The following CTNNA2 variants were observed in gnomAD, a reference collection of about 807,000 sequenced individuals.
CTNNA2 encodes the protein catenin alpha 2.
CTNNA2 carries 42 observed loss-of-function variants against 101.0 expected under a neutral mutation model. That is an observed-to-expected ratio of 0.42 (90% CI 0.32 to 0.54). CTNNA2 has a LOEUF of 0.54. CTNNA2 is among the 20% of genes least tolerant of loss of function. CTNNA2 has a pLI of 0.14. For synonymous variants in CTNNA2, 450 were observed against 456.4 expected, an observed-to-expected ratio of 0.99 and a Z score of 0.18; for missense variants, 871 against 1,223.1, an observed-to-expected ratio of 0.71 and a Z score of 4.29.
intron 4 of CTNNA2, among the ~76,000 whole-genome samples, chr2:79,489,134 A>G (rs1026529416): frequency 4.6e-5 from 7 of 152,110 alleles, no homozygotes; most frequent in African/African-American, 1.7e-4. Flanking sequence ...TCTCTTAAAC[A>G]TAATCATGTT....
intron 9 of CTNNA2, among the ~76,000 whole-genome samples, chr2:80,431,931 C>T (rs886155375): frequency 6.6e-6 from 1 of 151,950 alleles, no homozygotes; most frequent in Non-Finnish European, 1.5e-5. Context: ...TCTGTAGGCA[C>T]ATTAGTGCCT....
intron 4 of CTNNA2, among the ~76,000 whole-genome samples, chr2:79,485,436 A>G (rs1403937273): frequency 2.0e-5 from 3 of 152,238 alleles, no homozygotes; most frequent in Non-Finnish European, 4.4e-5. Context: ...TATGCACACT[A>G]GAAATTTATT....
At chr2:80,367,007 A>ATT (rs3040569) in intron 7 of CTNNA2, among the ~76,000 whole-genome samples, 31,103 of 142,338 alleles carry the variant, frequency 0.22, 3,420 homozygotes, top group East Asian at 0.38. Flanking sequence ...AAATGGTTGC[A>ATT]TTTTTTTTTT....
In CTNNA2 at chr2:80,613,039, AT is replaced by A. The variant is rs1214777811; in HGVS notation, c.2430+4722del. Reference sequence around the variant, plus strand: ...AACAAACTTCAGATTGTAAATCTGGATGTTAGGCATAGTGGAGAAATTGTGA... The same window carrying A: ...AACAAACTTCAGATTGTAAATCTGGAGTTAGGCATAGTGGAGAAATTGTGA... On this transcript the variant is annotated intron_variant, in intron 17 of 18. Coordinates refer to ENST00000402739, the MANE Select transcript of CTNNA2 (RefSeq NM_001282597.3). 5.4e-5 allele frequency: 8 copies of A among 148,458 alleles called. No homozygotes were observed. The East Asian group carries it at 1.6e-3, about 30-fold the overall frequency. 9.2% of individuals were successfully genotyped at this position (148,458 alleles called of 1,614,324 possible). A position where few individuals can be genotyped will look rare whatever the true frequency, so the allele number is the denominator to read the frequency against.
At chr2:79,591,507 T>G (rs2103985442) in intron 1 of CTNNA2, among the ~76,000 whole-genome samples, 1 of 152,348 alleles carries the variant, frequency 6.6e-6, no homozygotes, top group South Asian at 2.1e-4. Context: ...GATTCATGTT[T>G]AATTCTTTAA....
chr2:80,603,029 T>C (rs1241281092), intron 15 of CTNNA2, among the ~76,000 whole-genome samples: 1 of 152,088 alleles, frequency 6.6e-6, no homozygotes, highest in East Asian at 1.9e-4. Flanking sequence ...TTGCCCTCTC[T>C]GTATAACCCT....
chr2:80,001,366 T>A (rs1306074640), intron 7 of CTNNA2, among the ~76,000 whole-genome samples: 1 of 152,214 alleles, frequency 6.6e-6, no homozygotes, highest in Non-Finnish European at 1.5e-5. Context: ...TTCTATTATT[T>A]TCTTTTGAAG....
At chr2:80,338,445 A>G (rs1249210919) in intron 7 of CTNNA2, among the ~76,000 whole-genome samples, 1 of 152,176 alleles carries the variant, frequency 6.6e-6, no homozygotes, top group Non-Finnish European at 1.5e-5. Flanking sequence ...CTGGGCCTTC[A>G]GCCAAAGCAG....
At chr2:79,565,079 A>G (rs771311033) in intron 1 of CTNNA2, among the ~76,000 whole-genome samples, 1 of 152,058 alleles carries the variant, frequency 6.6e-6, no homozygotes, top group Non-Finnish European at 1.5e-5. Context: ...AAGTGAGGGA[A>G]TGACTTGATT....
At chr2:79,923,417 A>C (rs1686805198) in intron 7 of CTNNA2, among the ~76,000 whole-genome samples, 1 of 151,582 alleles carries the variant, frequency 6.6e-6, no homozygotes, top group Non-Finnish European at 1.5e-5. Context: ...TTTGAGTAGG[A>C]GAGAAGATCT....
chr2:79,842,306 C>G (rs1275100126), intron 3 of CTNNA2, among the ~76,000 whole-genome samples: 5 of 152,180 alleles, frequency 3.3e-5, no homozygotes, highest in Non-Finnish European at 7.4e-5. Context: ...TTTTTAGCCT[C>G]TGGCAAAACT....
At chr2:80,402,240 T>G (rs1003305630) in intron 8 of CTNNA2, among the ~76,000 whole-genome samples, 4 of 152,236 alleles carry the variant, frequency 2.6e-5, no homozygotes, top group Non-Finnish European at 5.9e-5. Flanking sequence ...CCATGCCCTC[T>G]GTGGGTGCAC....
chr2:80,342,239 A>C (rs2149280419), intron 7 of CTNNA2, among the ~76,000 whole-genome samples: 1 of 152,328 alleles, frequency 6.6e-6, no homozygotes, highest in South Asian at 2.1e-4. Flanking sequence ...GCTTTGAGTG[A>C]ATTTTATGGC....
At chr2:79,765,168 C>T (rs778366376) in intron 3 of CTNNA2, among the ~76,000 whole-genome samples, 6 of 151,994 alleles carry the variant, frequency 3.9e-5, no homozygotes, top group East Asian at 1.9e-4. Context: ...GTGGTTAAGA[C>T]GAAATGAGGT....
intron 3 of CTNNA2, among the ~76,000 whole-genome samples, chr2:79,795,385 C>G (rs1450830272): frequency 5.3e-5 from 8 of 151,658 alleles, no homozygotes; most frequent in African/African-American, 1.9e-4. Context: ...TTCCAAAAAT[C>G]AAAATGAATT....
At chr2:80,545,694 G>A (rs1366672439) in intron 10 of CTNNA2, among the ~76,000 whole-genome samples, 4 of 152,150 alleles carry the variant, frequency 2.6e-5, no homozygotes, top group Non-Finnish European at 5.9e-5. Flanking sequence ...GAAACCCGAG[G>A]CAAACTATTA....
chr2:79,335,614 A>G (rs1347740782), intron 3 of CTNNA2, among the ~76,000 whole-genome samples: 1 of 152,226 alleles, frequency 6.6e-6, no homozygotes, highest in Non-Finnish European at 1.5e-5. Context: ...CAAAATTTCT[A>G]GACATAAAAA....
At chr2:79,467,725 A>C (rs1025322919) in intron 4 of CTNNA2, among the ~76,000 whole-genome samples, 1 of 152,202 alleles carries the variant, frequency 6.6e-6, no homozygotes, top group Non-Finnish European at 1.5e-5. Flanking sequence ...CCAATATTCA[A>C]CATTCTTAAA....
intron 7 of CTNNA2, among the ~76,000 whole-genome samples, chr2:80,317,946 A>C (rs1245504020): frequency 6.6e-6 from 1 of 152,096 alleles, no homozygotes; most frequent in Non-Finnish European, 1.5e-5. Flanking sequence ...GCCTATTTCC[A>C]TATTCTCTAG....
Sources: gnomAD v4.1 joint callset for allele counts (sites outside exome capture counted in the v4.1 genomes callset) on GRCh38, gnomAD v4.1.1 for gene constraint, MANE v1.5 for transcripts, NCBI Gene and HGNC (gene_info 2026-07-23, HGNC 2026-07-21) for gene names.